Variants in AKAP6 observed in about 807,000 individuals in gnomAD.
AKAP6 encodes the protein A-kinase anchor protein 6.
In AKAP6, 58 loss-of-function variants were observed where a neutral mutation model predicts 188.5. That is an observed-to-expected ratio of 0.31 (90% confidence interval 0.25 to 0.38). AKAP6 has a LOEUF of 0.38. Among genes scored for constraint, AKAP6 ranks in the 10% least tolerant of loss-of-function variants. The probability of loss-of-function intolerance (pLI) is 1.00; values close to 1 mark genes in which losing one functional copy is unlikely to be tolerated. For missense variants in AKAP6, 2,710 were observed against 2,740.0 expected (o/e 0.99, Z 0.24); for synonymous variants, 989 against 998.6 (o/e 0.99, Z 0.18).
At chr14:32,529,963 C>CTTT (rs11305618) in intron 2 of AKAP6, among the ~76,000 whole-genome samples, 1 of 62,016 alleles carries the variant, frequency 1.6e-5, no homozygotes, top group Non-Finnish European at 3.1e-5. Context: ...GGTAAAGAAA[C>CTTT]TTTTTTTTTT....
At chr14:32,385,221 A>G (rs1276934904) in intron 1 of AKAP6, 1 of 151,692 alleles carries the variant, frequency 6.6e-6, no homozygotes, top group Non-Finnish European at 1.5e-5. Context: ...GATTGGAAGC[A>G]TTTACTTAAA....
At chr14:32,374,323 C>G (rs1888096057) in intron 1 of AKAP6, among the ~76,000 whole-genome samples, 1 of 152,184 alleles carries the variant, frequency 6.6e-6, no homozygotes, top group South Asian at 2.1e-4. Context: ...GAATATCAAT[C>G]AGTTAACTTT....
At chr14:32,411,971 TA>T (rs5807656) in intron 1 of AKAP6, among the ~76,000 whole-genome samples, 145,045 of 151,914 alleles carry the variant, frequency 0.95, 69,519 homozygotes, top group East Asian at 1. Context: ...GAAATGGCTT[TA>T]AAAAAAACAC....
intron 8 of AKAP6, among the ~76,000 whole-genome samples, chr14:32,684,743 GTTT>G (rs4007534): frequency 6.7e-6 from 1 of 148,862 alleles, no homozygotes; most frequent in African/African-American, 2.4e-5. Flanking sequence ...TGTACTTCAT[GTTT>G]TTTTTTTTGA....
chr14:32,812,041 G>C (rs2034250482), intron 12 of AKAP6, among the ~76,000 whole-genome samples: 1 of 152,142 alleles, frequency 6.6e-6, no homozygotes, highest in Non-Finnish European at 1.5e-5. Flanking sequence ...AGGGAGAAGG[G>C]TATACTTTTC....
chr14:32,450,461 TAAC>T (rs1890902305), intron 2 of AKAP6, among the ~76,000 whole-genome samples: 1 of 152,216 alleles, frequency 6.6e-6, no homozygotes. Flanking sequence ...TAGCCTCACT[TAAC>T]AAGGCCTGCA....
chr14:32,492,353 TATAGAG>T (rs1364560584), intron 2 of AKAP6, among the ~76,000 whole-genome samples: 2,735 of 52,272 alleles, frequency 0.052, 53 homozygotes, highest in Admixed American at 0.077. Context: ...TATATATATA[TATAGAG>T]AGAGAGAGAG....
chr14:32,690,076 T>TACACAC (rs10658220), intron 8 of AKAP6, among the ~76,000 whole-genome samples: 10,015 of 135,910 alleles, frequency 0.074, 559 homozygotes, highest in African/African-American at 0.16. Context: ...TGCCCCAAAA[T>TACACAC]ACACACACAC....
chr14:32,749,058 TACA>T (rs920830881), intron 11 of AKAP6, among the ~76,000 whole-genome samples: 2 of 152,192 alleles, frequency 1.3e-5, no homozygotes, highest in African/African-American at 4.8e-5. Context: ...TAACTTTTAC[TACA>T]ACATGATTCT....
chr14:32,412,425 C>T (rs1889518776), intron 1 of AKAP6, among the ~76,000 whole-genome samples: 1 of 152,166 alleles, frequency 6.6e-6, no homozygotes, highest in Non-Finnish European at 1.5e-5. Flanking sequence ...AATTACATGA[C>T]ATGTTTCCAT....
intron 9 of AKAP6, 89 bp downstream of exon 9, chr14:32,696,199 T>C: frequency 6.8e-7 from 1 of 1,481,332 alleles, no homozygotes; most frequent in South Asian, 1.5e-5. Flanking sequence ...TATCTTTTCG[T>C]TCATTGTATG....
intron 7 of AKAP6, among the ~76,000 whole-genome samples, chr14:32,635,128 A>G (rs1485889633): frequency 1.3e-5 from 2 of 152,050 alleles, no homozygotes; most frequent in African/African-American, 2.4e-5. Flanking sequence ...GTATTATTTG[A>G]GACCCACTGC....
intron 7 of AKAP6, among the ~76,000 whole-genome samples, chr14:32,651,819 T>C (rs974805870): frequency 6.6e-6 from 1 of 152,180 alleles, no homozygotes; most frequent in African/African-American, 2.4e-5. Flanking sequence ...TACTTGTACC[T>C]CTATGTATTG....
chr14:32,438,435 C>G (rs1890459908), intron 2 of AKAP6, among the ~76,000 whole-genome samples: 1 of 152,060 alleles, frequency 6.6e-6, no homozygotes, highest in Non-Finnish European at 1.5e-5. Flanking sequence ...TTGTGTTGAT[C>G]CTAAAGTCTG....
chr14:32,710,194 AC>A (rs1446182473), intron 9 of AKAP6, among the ~76,000 whole-genome samples: 25 of 64,428 alleles, frequency 3.9e-4, no homozygotes, highest in African/African-American at 1.7e-3. Context: ...TAAAAAATGG[AC>A]CCAAAAAAAA....
rs1278675661 is a variant in AKAP6 at position 32,786,296 on chromosome 14, ATCT to A, written c.3588+12405_3588+12407del. Among the ~76,000 whole-genome samples the A allele has an allele frequency of 1.2e-3, 109 of 93,714 alleles. 29 individuals carry two copies. Among genetic ancestry groups the A allele is most frequent in the Non-Finnish European group, 1.4e-3 (66 of 48,580 alleles). The allele number at this position is 93,714 out of a possible 152,430, so 61.5% of individuals were successfully genotyped here. On this transcript the variant is annotated intron_variant, in intron 12 of 13. Transcript: ENST00000280979. Reference sequence around the variant, plus strand: ...AGCCCTCTGAAAGACCTAAACCTTTATCTTTTTTTTTTTTTTTTTTTTTTTTTT... The same window carrying A: ...AGCCCTCTGAAAGACCTAAACCTTTATTTTTTTTTTTTTTTTTTTTTTTTT...
chr14:32,464,983 T>C (rs968817535), intron 2 of AKAP6, among the ~76,000 whole-genome samples: 1 of 152,116 alleles, frequency 6.6e-6, no homozygotes, highest in Non-Finnish European at 1.5e-5. Context: ...TGAACTCCCA[T>C]TCACAACTGC....
At chr14:32,828,838 T>A (rs1238100065) in intron 13 of AKAP6, among the ~76,000 whole-genome samples, 1 of 152,218 alleles carries the variant, frequency 6.6e-6, no homozygotes, top group Non-Finnish European at 1.5e-5. Context: ...TCTCCCCCAG[T>A]TCTTTATCTA....
At chr14:32,748,754 T>G (rs1206086882) in intron 11 of AKAP6, among the ~76,000 whole-genome samples, 1 of 152,206 alleles carries the variant, frequency 6.6e-6, no homozygotes, top group Non-Finnish European at 1.5e-5. Context: ...TTTGGGGTGG[T>G]AAAAACCAAG....
Sources: gnomAD v4.1 joint callset for allele counts (sites outside exome capture counted in the v4.1 genomes callset) on GRCh38, gnomAD v4.1.1 for gene constraint, MANE v1.5 for transcripts, NCBI Gene and HGNC (gene_info 2026-07-23, HGNC 2026-07-21) for gene names.